Variants in PHKA2 observed in about 807,000 individuals in gnomAD.
PHKA2 encodes phosphorylase kinase regulatory subunit alpha 2.
PHKA2 carries 31 observed loss-of-function variants against 102.0 expected under a neutral mutation model. The ratio of observed to expected loss-of-function variants is 0.30; its 90% CI spans 0.23 to 0.41. The LOEUF (loss-of-function observed/expected upper bound fraction) is 0.41. PHKA2 is among the 10% of genes least tolerant of loss of function. The pLI, the probability that PHKA2 is intolerant of heterozygous loss-of-function variation, is 1.00. For missense variants in PHKA2, 858 were observed against 1,023.1 expected (o/e 0.84, Z 2.20); for synonymous variants, 455 against 416.2 (o/e 1.09, Z -1.13).
chrX:18,946,184 TCCCAAA>T lies in PHKA2; in HGVS notation c.538-1032_538-1027del, dbSNP rs768749014. On this transcript the variant is annotated intron_variant, in intron 5 of 32. Coordinates refer to ENST00000379942, the MANE Select transcript of PHKA2 (RefSeq NM_000292.3). ...CTCAGGTGATCCACCTGTCCCAGCC[TCCCAAA>T]GTGCTGGGATTACAGGTATGAGCCA... 1.4e-4 allele frequency among the ~76,000 whole-genome samples: 15 copies of T among 111,103 alleles called. No individual in the cohort carries two copies. In the South Asian group the frequency reaches 1.9e-3, roughly 14 times the overall value.
At chrX:18,973,051 G>A (rs1252469765) in intron 1 of PHKA2, among the ~76,000 whole-genome samples, 8 of 112,280 alleles carry the variant, frequency 7.1e-5, no homozygotes, top group African/African-American at 2.3e-4. Context: ...CGCCCAGGCT[G>A]GAGTGCAGTA....
chrX:18,956,288 C>T (rs2048772783), intron 1 of PHKA2, among the ~76,000 whole-genome samples: 1 of 111,897 alleles, frequency 8.9e-6, no homozygotes, highest in South Asian at 3.7e-4. Context: ...TGTGCCACTG[C>T]ACTCCAGCCT....
chrX:18,977,243 T>C (rs192384516), intron 1 of PHKA2, among the ~76,000 whole-genome samples: 5 of 109,407 alleles, frequency 4.6e-5, no homozygotes, highest in African/African-American at 1.4e-4. Context: ...TTTTCTTGCA[T>C]TTTGGCCAAA....
chrX:18,946,490 T>G (rs1465926744), intron 5 of PHKA2, among the ~76,000 whole-genome samples: 2 of 111,346 alleles, frequency 1.8e-5, no homozygotes, highest in Non-Finnish European at 3.8e-5. Flanking sequence ...CATCTCTCTC[T>G]CTGAATGGCC....
chrX:18,974,744 C>T (rs1014423536), intron 1 of PHKA2, among the ~76,000 whole-genome samples: 2 of 110,822 alleles, frequency 1.8e-5, no homozygotes, highest in Non-Finnish European at 3.8e-5. Context: ...GGGCATTAAT[C>T]CCATTCATCA....
intron 1 of PHKA2, among the ~76,000 whole-genome samples, chrX:18,971,632 A>G (rs2049020690): frequency 1.8e-5 from 2 of 112,610 alleles, no homozygotes; most frequent in African/African-American, 6.4e-5. Flanking sequence ...GAATCCAATC[A>G]ATTATATAAA....
chrX:18,958,587 T>C (rs765775905), intron 1 of PHKA2, among the ~76,000 whole-genome samples: 2 of 110,474 alleles, frequency 1.8e-5, no homozygotes, highest in Non-Finnish European at 3.8e-5. Flanking sequence ...ATTTTTATTT[T>C]TAAAATTTTT....
At chrX:18,935,949 A>C (rs2048386905) in intron 11 of PHKA2, 106 bp downstream of exon 11, 2 of 581,094 alleles carry the variant, frequency 3.4e-6, no homozygotes, top group Non-Finnish European at 5.9e-6. Context: ...TTTGGAGAAA[A>C]AGTGTTCATT....
In PHKA2 at chrX:18,929,244, A is replaced by C. The variant is rs148492015; in HGVS notation, c.1308T>G (p.Pro436=). 1.9e-4 allele frequency: 217 copies of C among 1,163,257 alleles called. No homozygotes were observed. Among genetic ancestry groups the C allele is most frequent in the Non-Finnish European group, 2.4e-4 (208 of 863,880 alleles). ...CTCACAAACCTTGTACTACAACATCAGGTTTGACTGAAGTGGAAAATCTTC... is the reference window on the plus strand; with the variant it reads ...CTCACAAACCTTGTACTACAACATCCGGTTTGACTGAAGTGGAAAATCTTC... ...LNRRFSTSVK[P]DVVVQVTVLA... Residue 436 remains proline, a synonymous_variant, in exon 13 of 33, where the codon CCT becomes CCG. Coordinates refer to ENST00000379942, the MANE Select transcript of PHKA2 (RefSeq NM_000292.3).
chrX:18,896,950 C>T, intron 30 of PHKA2, among the ~76,000 whole-genome samples: 1 of 111,704 alleles, frequency 9.0e-6, no homozygotes, highest in East Asian at 2.8e-4. Flanking sequence ...GAGATGGCTG[C>T]TGGCATCTGG....
chrX:18,900,582 T>C, intron 28 of PHKA2, 88 bp downstream of exon 28: 5 of 884,674 alleles, frequency 5.7e-6, no homozygotes, highest in Non-Finnish European at 8.4e-6. Flanking sequence ...CTCTACACAT[T>C]CACACGCTGC....
At chrX:18,900,543 C>T (rs1017971402) in intron 28 of PHKA2, 127 bp downstream of exon 28, 2 of 607,547 alleles carry the variant, frequency 3.3e-6, no homozygotes, top group African/African-American at 2.2e-5. Context: ...TCTGCCTGTG[C>T]CCCAGCCCGT....
chrX:18,983,253 A>T (rs1208576350), intron 1 of PHKA2, among the ~76,000 whole-genome samples: 1 of 112,863 alleles, frequency 8.9e-6, no homozygotes, highest in Non-Finnish European at 1.9e-5. Context: ...ATAGCAGGCA[A>T]ATTCATACCT....
chrX:18,962,032 G>A (rs907275077), intron 1 of PHKA2, among the ~76,000 whole-genome samples: 2 of 111,706 alleles, frequency 1.8e-5, no homozygotes, highest in African/African-American at 6.5e-5. Context: ...CTAGGGTGGT[G>A]TGTGTGTAAT....
chrX:18,921,553 A>G (rs2048123516), intron 17 of PHKA2, among the ~76,000 whole-genome samples: 1 of 112,613 alleles, frequency 8.9e-6, no homozygotes, highest in Admixed American at 9.4e-5. Context: ...TCCTATATGT[A>G]ATCTATAAAT....
At chrX:18,946,433 C>T (rs1318372274) in intron 5 of PHKA2, among the ~76,000 whole-genome samples, 1 of 111,166 alleles carries the variant, frequency 9.0e-6, no homozygotes, top group Admixed American at 9.6e-5. Context: ...CCCCTTGTTT[C>T]AGGGTCTAAA....
At chrX:18,923,388 A>T (rs2048159031) in intron 17 of PHKA2, among the ~76,000 whole-genome samples, 1 of 111,785 alleles carries the variant, frequency 8.9e-6, no homozygotes, top group Admixed American at 9.5e-5. Context: ...GGATGGAAGA[A>T]GATGAGAGAA....
At chrX:18,903,691 C>T (rs935218391) in intron 26 of PHKA2, among the ~76,000 whole-genome samples, 6 of 112,195 alleles carry the variant, frequency 5.3e-5, no homozygotes, top group Non-Finnish European at 1.1e-4. Flanking sequence ...CAACCAGAGG[C>T]CACTGATGCA....
intron 12 of PHKA2, 53 bp downstream of exon 12, chrX:18,931,588 C>A: frequency 1.2e-6 from 1 of 867,214 alleles, no homozygotes; most frequent in Admixed American, 2.2e-5. Context: ...TTCTGGGGTT[C>A]CCTGAACCTC....
Sources: allele counts gnomAD v4.1 joint callset (sites outside exome capture counted in the v4.1 genomes callset), GRCh38; gene constraint gnomAD v4.1.1; transcripts MANE v1.5; gene names NCBI Gene and HGNC (gene_info 2026-07-23, HGNC 2026-07-21).